PRKN: variants seen among roughly 807,000 people sequenced by gnomAD.
The protein encoded by PRKN is E3 ubiquitin-protein ligase parkin.
A neutral mutation model predicts 59.5 loss-of-function variants in PRKN; 56 were observed. The observed-to-expected ratio is 0.94, with a 90% CI of 0.76 to 1.18. The LOEUF is 1.18. Ranked by LOEUF, PRKN falls within the 50% of genes most tolerant of loss-of-function variation. PRKN has a pLI of 0.00. For missense variants in PRKN, 657 were observed against 596.4 expected, an observed-to-expected ratio of 1.10 and a Z score of -1.06; for synonymous variants, 250 against 222.1, an observed-to-expected ratio of 1.13 and a Z score of -1.12.
At chr6:162,389,025 CA>C (rs59423044) in intron 2 of PRKN, among the ~76,000 whole-genome samples, 10 of 114,472 alleles carry the variant, frequency 8.7e-5, no homozygotes, top group African/African-American at 2.1e-4. Flanking sequence ...AAAAAAAAAA[CA>C]AAAAAACCTG....
chr6:161,875,234 T>G (rs113038741), intron 6 of PRKN, among the ~76,000 whole-genome samples: 6,790 of 147,886 alleles, frequency 0.046, 533 homozygotes, highest in African/African-American at 0.16. Flanking sequence ...TCACTCTGTT[T>G]CCCAGGCTAG....
chr6:162,100,813 T>C (rs1010434344), intron 4 of PRKN, among the ~76,000 whole-genome samples: 1 of 152,306 alleles, frequency 6.6e-6, no homozygotes, highest in African/African-American at 2.4e-5. Context: ...TTAATGATAA[T>C]TTTTTCCCTG....
chr6:161,757,933 G>GTATATATATATATATATATATATA (rs1415902228), intron 7 of PRKN, among the ~76,000 whole-genome samples: 1 of 101,432 alleles, frequency 9.9e-6, no homozygotes, highest in African/African-American at 3.8e-5. Context: ...CTCTCTCTCT[G>GTATATATATATATATATATATATA]TATATATATG....
chr6:162,450,789 G>A (rs1305506325), intron 1 of PRKN, among the ~76,000 whole-genome samples: 1 of 152,098 alleles, frequency 6.6e-6, no homozygotes, highest in African/African-American at 2.4e-5. Flanking sequence ...AATGCAATGT[G>A]GTAGCCTGGA....
intron 1 of PRKN, among the ~76,000 whole-genome samples, chr6:162,526,658 T>C (rs1778298423): frequency 1.3e-5 from 2 of 150,190 alleles, no homozygotes; most frequent in Non-Finnish European, 3.0e-5. Flanking sequence ...ACCAGAGCTG[T>C]GACCTCTGGA....
At chr6:161,785,933 C>T in intron 6 of PRKN, 25 bp from the exon 7 acceptor site, 2 of 1,613,042 alleles carry the variant, frequency 1.2e-6, no homozygotes, top group Non-Finnish European at 1.7e-6. Flanking sequence ...GAAGATGTTT[C>T]CTCTAGTACC....
chr6:162,468,088 C>T (rs1233668022), intron 1 of PRKN, among the ~76,000 whole-genome samples: 1 of 152,172 alleles, frequency 6.6e-6, no homozygotes, highest in Admixed American at 6.5e-5. Flanking sequence ...TTAACTTACT[C>T]TTTGTTAAAT....
chr6:161,874,562 A>G (rs191015275), intron 6 of PRKN, among the ~76,000 whole-genome samples: 57,214 of 86,190 alleles, frequency 0.66, 18,962 homozygotes, highest in Non-Finnish European at 0.7. Context: ...TATATTATAT[A>G]TAAAATATAT....
At chr6:162,320,138 T>A (rs900517507) in intron 2 of PRKN, among the ~76,000 whole-genome samples, 9 of 151,776 alleles carry the variant, frequency 5.9e-5, no homozygotes, top group African/African-American at 1.7e-4. Context: ...GCAAAGTACA[T>A]GATTCCATGT....
intron 7 of PRKN, among the ~76,000 whole-genome samples, chr6:161,690,855 C>T (rs989413399): frequency 2.0e-5 from 3 of 152,200 alleles, no homozygotes; most frequent in African/African-American, 4.8e-5. Flanking sequence ...CTCCAGCTTG[C>T]AGATGGCAGA....
chr6:161,429,149 A>G lies in PRKN; in HGVS notation c.1084-42272T>C, dbSNP rs1156450011. ...CCTTTCCTTCAGAGTGAATGCTCCTATCACCTATATCACACTTCATATGAT... is the reference window on the plus strand; with the variant it reads ...CCTTTCCTTCAGAGTGAATGCTCCTGTCACCTATATCACACTTCATATGAT... On this transcript the variant is annotated intron_variant, in intron 9 of 11. Transcript: ENST00000366898. This position sits in a 1 kb window ranked among gnomAD's most constrained non-coding sequence, Gnocchi z 4.2. 1.3e-5 allele frequency among the ~76,000 whole-genome samples: 2 copies of G among 152,220 alleles called. No individual in the cohort carries two copies. The highest frequency in any genetic ancestry group is 2.9e-5 in the Non-Finnish European group (2 of 68,050).
At chr6:161,955,434 T>A (rs184154564) in intron 6 of PRKN, among the ~76,000 whole-genome samples, 28 of 152,316 alleles carry the variant, frequency 1.8e-4, no homozygotes, top group Admixed American at 1.4e-3. Flanking sequence ...ACAGAGAATA[T>A]TTACTAAATT....
chr6:161,943,820 A>T (rs993902357), intron 6 of PRKN, among the ~76,000 whole-genome samples: 1 of 149,932 alleles, frequency 6.7e-6, no homozygotes, highest in Non-Finnish European at 1.5e-5. Context: ...CAGCCTGAGG[A>T]ATCAGCCTGA....
At chr6:161,647,560 T>C (rs754368170) in intron 7 of PRKN, among the ~76,000 whole-genome samples, 22 of 151,906 alleles carry the variant, frequency 1.4e-4, no homozygotes, top group Non-Finnish European at 2.8e-4. Context: ...CAACTGGGTA[T>C]GGGCCCATAC....
At chr6:161,364,369 G>A (rs1447650497) in intron 10 of PRKN, among the ~76,000 whole-genome samples, 1 of 138,216 alleles carries the variant, frequency 7.2e-6, no homozygotes, top group Non-Finnish European at 1.5e-5. Flanking sequence ...TGAGGCAGGA[G>A]AATCATTTGA....
At chr6:162,371,779 G>C (rs1357246181) in intron 2 of PRKN, among the ~76,000 whole-genome samples, 1 of 152,106 alleles carries the variant, frequency 6.6e-6, no homozygotes, top group Admixed American at 6.5e-5. Context: ...CCAACAAATT[G>C]GGTAATTGTA....
intron 1 of PRKN, among the ~76,000 whole-genome samples, chr6:162,718,147 A>G (rs952666864): frequency 6.6e-6 from 1 of 152,166 alleles, no homozygotes; most frequent in Non-Finnish European, 1.5e-5. Flanking sequence ...GAACTCACAC[A>G]TATTTGTCCA....
At chr6:162,541,184 C>T (rs1267630019) in intron 1 of PRKN, among the ~76,000 whole-genome samples, 1 of 152,208 alleles carries the variant, frequency 6.6e-6, no homozygotes, top group African/African-American at 2.4e-5. Context: ...GCTGCCAAAA[C>T]CCTTGCCCTC....
intron 2 of PRKN, among the ~76,000 whole-genome samples, chr6:162,358,276 T>A (rs1484607296): frequency 2.0e-5 from 3 of 152,176 alleles, no homozygotes; most frequent in Admixed American, 2.0e-4. Flanking sequence ...CAGTTTGGAA[T>A]ATTTTTCGAA....
Sources: allele counts gnomAD v4.1 joint callset (sites outside exome capture counted in the v4.1 genomes callset), GRCh38; gene constraint gnomAD v4.1.1; non-coding constraint Gnocchi (gnomAD v3.1); transcripts MANE v1.5; gene names NCBI Gene and HGNC (gene_info 2026-07-23, HGNC 2026-07-21).